NCOA4: variants seen among roughly 807,000 people sequenced by gnomAD.
The protein encoded by NCOA4 is nuclear receptor coactivator 4, also known as 70 kDa AR-activator.
A neutral mutation model predicts 69.5 loss-of-function variants in NCOA4; 31 were observed. The ratio of observed to expected loss-of-function variants is 0.45; its 90% CI spans 0.34 to 0.60. The LOEUF is 0.60. Ranked by LOEUF, NCOA4 falls within the 20% of genes least tolerant of loss-of-function variation. The pLI is 0.02. For synonymous variants in NCOA4, 228 were observed against 252.4 expected, an observed-to-expected ratio of 0.90 and a Z score of 0.92; for missense variants, 600 against 719.2, an observed-to-expected ratio of 0.83 and a Z score of 1.90.
At chr10:46,007,142 G>A (rs1398921842) in intron 9 of NCOA4, among the ~76,000 whole-genome samples, 2 of 152,104 alleles carry the variant, frequency 1.3e-5, no homozygotes, top group Non-Finnish European at 2.9e-5. Flanking sequence ...GTGAACAGAT[G>A]AATAATTTAA....
Position 46,014,952 on chromosome 10 carries a change from A to G in NCOA4, c.283-10T>C. ...TGAACTGGCCCAATAACTAAAAGAA[A>G]AATGAAACCAACTAGCCACAATGAC... is the stretch of plus-strand genomic sequence containing the variant. On this transcript the variant is annotated splice_polypyrimidine_tract_variant and intron_variant, in intron 3 of 9. Coordinates refer to ENST00000581486, the MANE Select transcript of NCOA4 (RefSeq NM_001145263.2). The G allele has an allele frequency of 6.2e-7, 1 of 1,611,898 alleles. No individual in the cohort carries two copies. Among genetic ancestry groups the G allele is most frequent in the Non-Finnish European group, 8.5e-7 (1 of 1,178,470 alleles).
At position 46,006,513 on chromosome 10, in the gene NCOA4, A is replaced by C; in HGVS notation, c.*79T>G. ...CTAATTGGTCAGACCCAGAAACACAAAGATTTGGCAAGCTGCAGTCACTCA... is the reference window on the plus strand; with the variant it reads ...CTAATTGGTCAGACCCAGAAACACACAGATTTGGCAAGCTGCAGTCACTCA... On this transcript the variant is annotated 3_prime_UTR_variant, in exon 10 of 10. Transcript: ENST00000581486. 2 of 1,555,924 alleles carry C rather than the reference A, an allele frequency of 1.3e-6. No homozygotes were observed. The highest frequency in any genetic ancestry group is 1.8e-6 in the Non-Finnish European group (2 of 1,128,496).
In NCOA4 at chr10:46,027,436, T is replaced by C. The variant is rs782045363; in HGVS notation, c.-15+3090A>G. 6.4e-6 allele frequency: 10 copies of C among 1,551,508 alleles called. No individual in the cohort carries two copies. The South Asian group carries it at 1.2e-4, about 18-fold the overall frequency. On this transcript the variant is annotated intron_variant, in intron 1 of 9. Transcript: ENST00000581486. ...GGAGATAGTATTAATGCCTACCAGC[T>C]AGAGCAAAAGTGGTCAACTGGGCCC...
Position 46,027,403 on chromosome 10 carries a change from A to G in NCOA4, c.-15+3123T>C, listed in dbSNP as rs1039520529. ...GACAATATGGCAGCTCCTCTAACTG[A>G]CATGCATGGAGATAGTATTAATGCC... On this transcript the variant is annotated intron_variant, in intron 1 of 9. Transcript: ENST00000581486. The G allele has an allele frequency of 2.6e-6, 4 of 1,548,202 alleles. No individual in the cohort carries two copies. In the African/African-American group the frequency reaches 5.5e-5, roughly 21 times the overall value.
intron 1 of NCOA4, among the ~76,000 whole-genome samples, chr10:46,024,083 G>C (rs187791395): frequency 6.6e-6 from 1 of 152,196 alleles, no homozygotes; most frequent in Non-Finnish European, 1.5e-5. Flanking sequence ...GATTTCAGAT[G>C]AACAGAGTGG....
In NCOA4 at chr10:46,010,538, G is replaced by A; in HGVS notation, c.1383C>T (p.Leu461=). The change falls in exon 8 of 10, where the codon CTC becomes CTT. Residue 461 remains leucine, a synonymous_variant. Coordinates refer to ENST00000581486, the MANE Select transcript of NCOA4 (RefSeq NM_001145263.2). ...GTTCTATTACTTCTTTTCTAGGACA[G>A]AGCCACATATTCAGGGAATCTTTAT... is the stretch of plus-strand genomic sequence containing the variant. ...EKHKDSLNMW[L]CPRKEVIEQT... The A allele has an allele frequency of 6.2e-7, 1 of 1,614,204 alleles. No homozygotes were observed. Among genetic ancestry groups the A allele is most frequent in the Non-Finnish European group, 8.5e-7 (1 of 1,180,034 alleles).
rs1448348728 is a variant in NCOA4, at chr10:46,030,609, C to G, written c.-98G>C. 1 of 152,318 alleles carries G rather than the reference C, an allele frequency of 6.6e-6. No homozygotes were observed. The highest frequency in any genetic ancestry group is 2.4e-5 in the African/African-American group (1 of 41,468). 9.4% of individuals were successfully genotyped at this position (152,318 alleles called of 1,614,324 possible). A position where few individuals can be genotyped will look rare whatever the true frequency, so the allele number is the denominator to read the frequency against. ...CCCACACTAACCTACGGCCCAAAGG[C>G]AGAGTTCTCGCGACAACACAATCTT... is the stretch of plus-strand genomic sequence containing the variant. On this transcript the variant is annotated 5_prime_UTR_variant, in exon 1 of 10. Transcript: ENST00000581486.
In NCOA4 at chr10:46,012,863, C is replaced by T. The variant is rs1744793284; in HGVS notation, c.714+20G>A. 1.9e-6 allele frequency: 3 copies of T among 1,613,088 alleles called. No homozygotes were observed. The highest frequency in any genetic ancestry group is 1.7e-5 in the Admixed American group (1 of 59,932). ...CCTACTGCTGTGTCTACTGTAGAAACAATAAAAGCAGCAACAGACCTGACT... is the reference window on the plus strand; with the variant it reads ...CCTACTGCTGTGTCTACTGTAGAAATAATAAAAGCAGCAACAGACCTGACT... On this transcript the variant is annotated intron_variant, in intron 7 of 9. Transcript: ENST00000581486.
chr10:46,011,076 G>A lies in NCOA4; in HGVS notation c.845C>T (p.Ser282Phe), dbSNP rs781848770. The change falls in exon 8 of 10, where the codon TCC (serine) becomes TTC (phenylalanine). Residue 282 changes from serine (S) to phenylalanine (F), a missense_variant. Coordinates refer to ENST00000581486, the MANE Select transcript of NCOA4 (RefSeq NM_001145263.2). ...CNSHSTTSSFSIEMEKVGDQE... is the reference protein window; with the variant it reads ...CNSHSTTSSFFIEMEKVGDQE... Reference sequence around the variant, plus strand: ...ATCTCCAACCTTTTCCATTTCAATGGAGAAAGAACTAGTAGTGGAATGGCT... The same window carrying A: ...ATCTCCAACCTTTTCCATTTCAATGAAGAAAGAACTAGTAGTGGAATGGCT... The A allele has an allele frequency of 1.9e-6, 3 of 1,613,800 alleles. No individual in the cohort carries two copies. Among genetic ancestry groups the A allele is most frequent in the Non-Finnish European group, 2.5e-6 (3 of 1,179,854 alleles).
intron 9 of NCOA4, among the ~76,000 whole-genome samples, chr10:46,006,821 TTCTC>T (rs1221156518): frequency 6.6e-6 from 1 of 152,188 alleles, no homozygotes; most frequent in African/African-American, 2.4e-5. Context: ...CCTATTTCTC[TTCTC>T]TCTCCTCAGG....
Position 46,010,973 on chromosome 10 carries a change from C to G in NCOA4, c.948G>C (p.Lys316Asn). The change falls in exon 8 of 10, where the codon AAG (lysine) becomes AAC (asparagine). Residue 316 changes from lysine to asparagine, a missense_variant. Transcript: ENST00000581486. ...TGGTTTCACGACTGCCATTCTCAGG[C>G]TTCCGCAGCTTATGGGATTCCTGGG... ...VTPQESHKLR[K>N]PENGSRETSE... 1 of 1,613,986 alleles carries G rather than the reference C, an allele frequency of 6.2e-7. No individual in the cohort carries two copies. The highest frequency in any genetic ancestry group is 1.3e-5 in the African/African-American group (1 of 75,044).
intron 4 of NCOA4, 141 bp from the exon 5 acceptor site, chr10:46,014,693 A>C (rs1454287914): frequency 5.2e-6 from 4 of 765,106 alleles, no homozygotes; most frequent in Non-Finnish European, 8.5e-6. Context: ...TGGCTTATTC[A>C]TGTATCAGCA....
intron 5 of NCOA4, among the ~76,000 whole-genome samples, 184 bp downstream of exon 5, chr10:46,014,260 G>A (rs573389562): frequency 4.6e-5 from 7 of 152,178 alleles, no homozygotes; most frequent in Middle Eastern, 6.8e-3. Context: ...CAAGTGATCC[G>A]CCCTCCTCGG....
chr10:46,030,297 G>A (rs1321959510), intron 1 of NCOA4, among the ~76,000 whole-genome samples: 1 of 152,032 alleles, frequency 6.6e-6, no homozygotes, highest in Non-Finnish European at 1.5e-5. Context: ...CGTGTGGCGG[G>A]AAGGCGAGAA....
intron 1 of NCOA4, chr10:46,023,462 C>T (rs1387213512): frequency 1.1e-5 from 11 of 985,580 alleles, no homozygotes; most frequent in African/African-American, 3.5e-5. Context: ...CCAGTTCGCC[C>T]GGGCCACTAG....
intron 1 of NCOA4, among the ~76,000 whole-genome samples, chr10:46,020,705 AAT>A (rs1564926925): frequency 6.6e-6 from 1 of 152,332 alleles, no homozygotes; most frequent in Non-Finnish European, 1.5e-5. Context: ...CCAAAAACTC[AAT>A]AGTCTAAATC....
Position 46,013,515 on chromosome 10 carries a change from A to G in NCOA4, c.570+35T>C, listed in dbSNP as rs782706306. The G allele has an allele frequency of 1.1e-5, 16 of 1,466,902 alleles. No homozygotes were observed. In the East Asian group the frequency reaches 1.4e-4, roughly 12 times the overall value. 90.9% of individuals were successfully genotyped at this position (1,466,902 alleles called of 1,614,324 possible). A position where few individuals can be genotyped will look rare whatever the true frequency, so the allele number is the denominator to read the frequency against. ...ACCCAAAGGAAGTATAAGCCAAGTA[A>G]TGACTCAATTACCAAAAACAAAATG... On this transcript the variant is annotated intron_variant, in intron 6 of 9. Coordinates refer to ENST00000581486, the MANE Select transcript of NCOA4 (RefSeq NM_001145263.2).
At chr10:46,014,020 C>T (rs1444885960) in intron 5 of NCOA4, among the ~76,000 whole-genome samples, 9 of 151,982 alleles carry the variant, frequency 5.9e-5, no homozygotes, top group Admixed American at 5.2e-4. Context: ...GCAACTTAAT[C>T]AGAATATGAA....
In NCOA4 at chr10:46,006,511, CAA is replaced by C. The variant is rs1480366419; in HGVS notation, c.*79_*80del. 11 of 1,549,114 alleles carry C rather than the reference CAA, an allele frequency of 7.1e-6. No homozygotes were observed. In the East Asian group the frequency reaches 2.5e-4, roughly 35 times the overall value. On this transcript the variant is annotated 3_prime_UTR_variant, in exon 10 of 10. Transcript: ENST00000581486. ...AGCTAATTGGTCAGACCCAGAAACA[CAA>C]AGATTTGGCAAGCTGCAGTCACTCA...
Sources: allele counts gnomAD v4.1 joint callset (sites outside exome capture counted in the v4.1 genomes callset), GRCh38; gene constraint gnomAD v4.1.1; transcripts MANE v1.5; gene names NCBI Gene and HGNC (gene_info 2026-07-23, HGNC 2026-07-21).